PDHX: variants seen among roughly 807,000 people sequenced by gnomAD.
PDHX encodes the protein pyruvate dehydrogenase protein X component, mitochondrial.
Under a neutral mutation model 55.3 loss-of-function variants are expected in PDHX, and 33 were observed. The observed-to-expected ratio is 0.60, with a 90% CI of 0.45 to 0.80. PDHX has a LOEUF of 0.80. Ranked by LOEUF, PDHX falls within the 30% of genes least tolerant of loss-of-function variation. PDHX has a pLI of 0.00. For missense variants in PDHX, 622 were observed against 619.9 expected, an observed-to-expected ratio of 1.00 and a Z score of -0.04; for synonymous variants, 226 against 219.4, an observed-to-expected ratio of 1.03 and a Z score of -0.27.
intron 2 of PDHX, among the ~76,000 whole-genome samples, chr11:34,931,800 A>G (rs1023638110): frequency 7.1e-6 from 1 of 141,354 alleles, no homozygotes; most frequent in Admixed American, 7.3e-5. Context: ...TTAATTTATA[A>G]CTTTATCATG....
intron 3 of PDHX, among the ~76,000 whole-genome samples, chr11:34,951,348 C>T (rs1281366787): frequency 4.6e-5 from 7 of 152,064 alleles, no homozygotes; most frequent in East Asian, 1.9e-4. Context: ...CGTGAGCCAC[C>T]GCGCCCGGCC....
chr11:34,958,881 A>G (rs1011841645), intron 4 of PDHX, among the ~76,000 whole-genome samples: 1 of 151,928 alleles, frequency 6.6e-6, no homozygotes, highest in Non-Finnish European at 1.5e-5. Context: ...ACAGTGAATG[A>G]AAAAAAAATT....
intron 1 of PDHX, among the ~76,000 whole-genome samples, chr11:34,917,380 G>GA (rs1366169982): frequency 6.6e-6 from 1 of 152,210 alleles, no homozygotes; most frequent in Non-Finnish European, 1.5e-5. Context: ...ATATTCGCTT[G>GA]AAAGAGCAAA....
chr11:34,934,217 A>G (rs902103881), intron 2 of PDHX, among the ~76,000 whole-genome samples: 4 of 152,242 alleles, frequency 2.6e-5, no homozygotes, highest in African/African-American at 9.6e-5. Flanking sequence ...AGAGATAACC[A>G]GATATTACAT....
At chr11:34,964,646 CAAG>C (rs749425105) in intron 5 of PDHX, among the ~76,000 whole-genome samples, 8 of 151,822 alleles carry the variant, frequency 5.3e-5, no homozygotes, top group East Asian at 1.9e-4. Flanking sequence ...TTTTTGTGAG[CAAG>C]AAGAAGCAAT....
chr11:34,926,706 GAATC>G (rs1854031075), intron 1 of PDHX, among the ~76,000 whole-genome samples: 1 of 151,872 alleles, frequency 6.6e-6, no homozygotes, highest in Non-Finnish European at 1.5e-5. Flanking sequence ...TAGCATTCAT[GAATC>G]AATCATCAAT....
At chr11:34,977,178 C>G (rs1855397318) in intron 7 of PDHX, among the ~76,000 whole-genome samples, 1 of 152,090 alleles carries the variant, frequency 6.6e-6, no homozygotes, top group African/African-American at 2.4e-5. Flanking sequence ...TTGGAATGAG[C>G]TGTTATTCAC....
In PDHX at chr11:34,995,210, T is replaced by C; in HGVS notation, c.*38T>C. 1 of 1,608,124 alleles carries C rather than the reference T, an allele frequency of 6.2e-7. No homozygotes were observed. Among genetic ancestry groups the C allele is most frequent in the South Asian group, 1.1e-5 (1 of 90,444 alleles). ...AGAAGTTGGTGTTCAGCTTAGTTGA[T>C]TCAGTAGTTGTTACCAAGAAACATA... On this transcript the variant is annotated 3_prime_UTR_variant, in exon 11 of 11. Coordinates refer to ENST00000227868, the MANE Select transcript of PDHX (RefSeq NM_003477.3).
At chr11:34,937,250 T>A (rs1854352285) in intron 2 of PDHX, among the ~76,000 whole-genome samples, 2 of 152,112 alleles carry the variant, frequency 1.3e-5, no homozygotes, top group Non-Finnish European at 2.9e-5. Flanking sequence ...CTAATCAATG[T>A]GATAATCTAA....
intron 2 of PDHX, among the ~76,000 whole-genome samples, chr11:34,931,736 T>G (rs1854177975): frequency 6.6e-6 from 1 of 152,140 alleles, no homozygotes; most frequent in South Asian, 2.1e-4. Flanking sequence ...TTTCCCCAAC[T>G]TTTAGTCCTT....
At chr11:34,959,671 C>G (rs1299061907) in intron 4 of PDHX, among the ~76,000 whole-genome samples, 2 of 151,902 alleles carry the variant, frequency 1.3e-5, no homozygotes. Context: ...TTCACAGTAG[C>G]AAAATGGTAG....
At chr11:34,918,441 GA>G (rs144806314) in intron 1 of PDHX, among the ~76,000 whole-genome samples, 33,792 of 147,554 alleles carry the variant, frequency 0.23, 4,780 homozygotes, top group Non-Finnish European at 0.34. Flanking sequence ...TGTCTCAGGA[GA>G]AAAAAAAAAA....
At chr11:34,921,371 C>T (rs767448265) in intron 1 of PDHX, among the ~76,000 whole-genome samples, 4 of 152,102 alleles carry the variant, frequency 2.6e-5, no homozygotes, top group African/African-American at 4.8e-5. Flanking sequence ...CCTTTATGCA[C>T]GATGCGCTGT....
chr11:34,976,277 CTT>C (rs1477124023), intron 7 of PDHX, among the ~76,000 whole-genome samples: 1 of 152,136 alleles, frequency 6.6e-6, no homozygotes, highest in Non-Finnish European at 1.5e-5. Flanking sequence ...ATGCTTCACA[CTT>C]TGCTTTTCTG....
intron 9 of PDHX, among the ~76,000 whole-genome samples, chr11:34,989,966 G>C (rs759655521): frequency 1.3e-5 from 2 of 152,118 alleles, no homozygotes; most frequent in Non-Finnish European, 2.9e-5. Flanking sequence ...TTTTTCAAGA[G>C]TTTGTGGCTC....
At chr11:34,977,845 G>A (rs1855412602) in intron 7 of PDHX, 1 of 506,226 alleles carries the variant, frequency 2.0e-6, no homozygotes, top group South Asian at 1.5e-5. Context: ...CTTGTAATGG[G>A]TCCTTCAGGT....
chr11:34,926,289 G>A (rs759922316), intron 1 of PDHX, among the ~76,000 whole-genome samples: 1 of 152,130 alleles, frequency 6.6e-6, no homozygotes, highest in Non-Finnish European at 1.5e-5. Flanking sequence ...TGGCAGAATT[G>A]TTTCATTTGA....
At chr11:34,960,622 G>T in intron 5 of PDHX, 104 bp downstream of exon 5, 3 of 679,786 alleles carry the variant, frequency 4.4e-6, no homozygotes, top group South Asian at 1.7e-5. Flanking sequence ...TTTAAAAGGA[G>T]GTACACTGTT....
At chr11:34,916,420 C>A (rs1853700243), upstream of PDHX, 1 of 1,443,012 alleles carries the variant, frequency 6.9e-7, no homozygotes. Flanking sequence ...GCGAACGGGG[C>A]GGGGGCCGGG....
Sources: gnomAD v4.1 joint callset for allele counts (sites outside exome capture counted in the v4.1 genomes callset) on GRCh38, gnomAD v4.1.1 for gene constraint, MANE v1.5 for transcripts, NCBI Gene and HGNC (gene_info 2026-07-23, HGNC 2026-07-21) for gene names.